The following DTX4 variants were observed in gnomAD, a reference collection of about 807,000 sequenced individuals.
The protein encoded by DTX4 is deltex E3 ubiquitin ligase 4, also known as E3 ubiquitin-protein ligase DTX4.
Under a neutral mutation model 57.6 loss-of-function variants are expected in DTX4, and 28 were observed. That is an observed-to-expected ratio of 0.49 (90% CI 0.36 to 0.67). The LOEUF (loss-of-function observed/expected upper bound fraction) is 0.67. Ranked by LOEUF, DTX4 falls within the 30% of genes least tolerant of loss-of-function variation. The pLI is 0.00. For missense variants in DTX4, 715 were observed against 836.8 expected (o/e 0.85, Z 1.80); for synonymous variants, 316 against 331.0 (o/e 0.95, Z 0.49).
At chr11:59,180,693 C>T (rs1328750978) in intron 1 of DTX4, among the ~76,000 whole-genome samples, 2 of 152,124 alleles carry the variant, frequency 1.3e-5, no homozygotes, top group African/African-American at 4.8e-5. Context: ...ATGAAATGAG[C>T]CCTGGTTGAG....
chr11:59,183,513 C>G lies in DTX4; in HGVS notation c.935+1051C>G, dbSNP rs202217493. ...CCCCTGGTTTCTTAGCATCTCACAG[C>G]CACCCAATCTTCCCTTTCTGTCTCC... On this transcript the variant is annotated intron_variant, in intron 2 of 8. Coordinates refer to ENST00000227451, the MANE Select transcript of DTX4 (RefSeq NM_015177.2). Among the ~76,000 whole-genome samples the G allele has an allele frequency of 2.0e-5, 3 of 152,294 alleles. No individual in the cohort carries two copies. The East Asian group carries it at 5.8e-4, about 29-fold the overall frequency.
rs1208746432 is a variant in DTX4 at position 59,192,289 on chromosome 11, C to A, written c.1374+39C>A. 13 of 1,611,930 alleles carry A rather than the reference C, an allele frequency of 8.1e-6. No individual in the cohort carries two copies. In the Admixed American group the frequency reaches 2.0e-4, roughly 25 times the overall value. The stretch of plus-strand genomic sequence containing the variant: ...TATGGGGCTCCTGCCACCCTTCACA[C>A]TGGGCTCTGGAGTAGCAAGATGGTG... On this transcript the variant is annotated intron_variant, in intron 6 of 8. Coordinates refer to ENST00000227451, the MANE Select transcript of DTX4 (RefSeq NM_015177.2).
intron 1 of DTX4, among the ~76,000 whole-genome samples, chr11:59,176,196 G>C (rs1313660155): frequency 6.6e-6 from 1 of 152,178 alleles, no homozygotes; most frequent in African/African-American, 2.4e-5. Flanking sequence ...CCCTATGTTA[G>C]CATAGAAGTG....
At chr11:59,177,799 G>A (rs1474771516) in intron 1 of DTX4, among the ~76,000 whole-genome samples, 9 of 152,064 alleles carry the variant, frequency 5.9e-5, no homozygotes, top group Non-Finnish European at 1.3e-4. Flanking sequence ...CATGCCATTT[G>A]TTATTCATTT....
At chr11:59,193,427 G>A (rs1862624289) in intron 6 of DTX4, among the ~76,000 whole-genome samples, 1 of 152,076 alleles carries the variant, frequency 6.6e-6, no homozygotes, top group African/African-American at 2.4e-5. Flanking sequence ...TGCTTATAGT[G>A]GTGGTCAGTC....
intron 3 of DTX4, 132 bp from the exon 4 acceptor site, chr11:59,189,030 G>A (rs1181467374): frequency 1.0e-5 from 12 of 1,148,788 alleles, no homozygotes; most frequent in African/African-American, 1.5e-5. Flanking sequence ...GAAAGTACAG[G>A]GTAGAGAATC....
chr11:59,179,212 T>G (rs768532250), intron 1 of DTX4, among the ~76,000 whole-genome samples: 5 of 152,208 alleles, frequency 3.3e-5, no homozygotes, highest in African/African-American at 7.2e-5. Context: ...ACGTGGGATA[T>G]GTGAGGTGCT....
In DTX4 at chr11:59,192,175, G is replaced by A; in HGVS notation, c.1299G>A (p.Leu433=). 6.2e-7 allele frequency: 1 copy of A among 1,613,940 alleles called. No individual in the cohort carries two copies. The highest frequency in any genetic ancestry group is 8.5e-7 in the Non-Finnish European group (1 of 1,179,884). Residue 433 remains leucine (L), a synonymous_variant, in exon 6 of 9, where the codon CTG becomes CTA. Coordinates refer to ENST00000227451, the MANE Select transcript of DTX4 (RefSeq NM_015177.2). ...CGCAGCCTACGGTAAAACCTGACCT[G>A]GTAGGGAAGCTGTCCAGATGCGGCC... is the stretch of plus-strand genomic sequence containing the variant. ...KGPQPTVKPD[L]VGKLSRCGHV... is the part of the protein sequence containing the mutation.
chr11:59,181,307 T>C (rs1253117605), intron 1 of DTX4, among the ~76,000 whole-genome samples: 1 of 152,222 alleles, frequency 6.6e-6, no homozygotes, highest in Non-Finnish European at 1.5e-5. Context: ...CATGTACAAA[T>C]ACATATTTGC....
chr11:59,178,342 A>G (rs1175144202), intron 1 of DTX4, among the ~76,000 whole-genome samples: 4 of 152,272 alleles, frequency 2.6e-5, no homozygotes, highest in Non-Finnish European at 2.9e-5. Context: ...GACATGGTCA[A>G]TTTTCCTGCC....
chr11:59,177,577 C>G (rs1280042533), intron 1 of DTX4, among the ~76,000 whole-genome samples: 2 of 152,090 alleles, frequency 1.3e-5, no homozygotes, highest in Non-Finnish European at 2.9e-5. Flanking sequence ...CCTTCCATAC[C>G]CTCTCTGGCT....
In DTX4 at chr11:59,182,055, C is replaced by A; in HGVS notation, c.528C>A (p.Val176=). The change falls in exon 2 of 9, where the codon GTC becomes GTA. Residue 176 remains valine, a synonymous_variant. Coordinates refer to ENST00000227451, the MANE Select transcript of DTX4 (RefSeq NM_015177.2). ...TGCCTAAGGCTCAGTCCTGGCCAGT[C>A]AGCCCTGGGCCAGCCACCTCGCCCC... The part of the protein sequence containing the change: ...GTLPKAQSWP[V]SPGPATSPPM... 3 of 1,612,330 alleles carry A rather than the reference C, an allele frequency of 1.9e-6. No individual in the cohort carries two copies. The highest frequency in any genetic ancestry group is 2.5e-6 in the Non-Finnish European group (3 of 1,178,800).
rs372596030 is a variant in DTX4, at chr11:59,192,150, C to T, written c.1274C>T (p.Pro425Leu). The change falls in exon 6 of 9, where the codon CCG becomes CTG. Residue 425 changes from proline to leucine, a missense_variant. Coordinates refer to ENST00000227451, the MANE Select transcript of DTX4 (RefSeq NM_015177.2). ...RLTAPSGYKG[P>L]QPTVKPDLVG... ...ACGGCCCCCTCAGGCTACAAGGGCC[C>T]GCAGCCTACGGTAAAACCTGACCTG... 3.8e-4 allele frequency: 606 copies of T among 1,613,906 alleles called. 3 individuals carry two copies. The South Asian group carries it at 4.4e-3, about 12-fold the overall frequency.
chr11:59,198,123 C>T lies in DTX4; in HGVS notation c.1537-1561C>T, dbSNP rs569882365. 3.9e-5 allele frequency among the ~76,000 whole-genome samples: 6 copies of T among 152,358 alleles called. No homozygotes were observed. In the South Asian group the frequency reaches 1.2e-3, roughly 32 times the overall value. On this transcript the variant is annotated intron_variant, in intron 7 of 8. Coordinates refer to ENST00000227451, the MANE Select transcript of DTX4 (RefSeq NM_015177.2). ...CGCTTCTGTGAGGAGTCGAGACCTT[C>T]AAGCTCTGCATTCACTGCAGAGAAC...
intron 6 of DTX4, chr11:59,194,907 TAA>T: frequency 2.5e-6 from 1 of 398,296 alleles, no homozygotes; most frequent in South Asian, 2.6e-5. Context: ...AGTGGCTGAA[TAA>T]TGACTCCCTG....
At position 59,195,165 on chromosome 11, in the gene DTX4, A is replaced by G. The variant is rs202040434; in HGVS notation, c.1375-43A>G. 520 of 1,610,428 alleles carry G rather than the reference A, an allele frequency of 3.2e-4. 5 individuals carry two copies. The highest frequency in any genetic ancestry group is 6.2e-5 in the Non-Finnish European group (73 of 1,176,838). ...GGGACTGGGTGGGAAAGTTATTACC[A>G]AAACTGTTTCCCAATCTGGCTCTTC... is the stretch of plus-strand genomic sequence containing the variant. On this transcript the variant is annotated intron_variant, in intron 6 of 8. Coordinates refer to ENST00000227451, the MANE Select transcript of DTX4 (RefSeq NM_015177.2).
At chr11:59,176,507 CAT>C (rs1232841781) in intron 1 of DTX4, among the ~76,000 whole-genome samples, 4 of 152,230 alleles carry the variant, frequency 2.6e-5, no homozygotes, top group Admixed American at 2.0e-4. Context: ...CTGTTCCAGA[CAT>C]GTGAGATATA....
intron 2 of DTX4, among the ~76,000 whole-genome samples, chr11:59,187,245 C>T (rs1159676309): frequency 2.6e-5 from 4 of 152,222 alleles, no homozygotes; most frequent in Non-Finnish European, 4.4e-5. Context: ...GGCTCTGGTG[C>T]CAGATTTTCT....
At chr11:59,178,286 A>G (rs1862420005) in intron 1 of DTX4, among the ~76,000 whole-genome samples, 3 of 152,086 alleles carry the variant, frequency 2.0e-5, no homozygotes, top group Admixed American at 2.0e-4. Context: ...GGGGATTTAG[A>G]TTTCAACCTA....
Sources: gnomAD v4.1 joint callset for allele counts (sites outside exome capture counted in the v4.1 genomes callset) on GRCh38, gnomAD v4.1.1 for gene constraint, MANE v1.5 for transcripts, NCBI Gene and HGNC (gene_info 2026-07-23, HGNC 2026-07-21) for gene names.